The following HFM1 variants were observed in gnomAD, a reference collection of about 807,000 sequenced individuals.
The protein encoded by HFM1 is helicase for meiosis 1, also known as probable ATP-dependent DNA helicase HFM1.
Under a neutral mutation model 192.1 loss-of-function variants are expected in HFM1, and 169 were observed. The ratio of observed to expected loss-of-function variants is 0.88; its 90% CI spans 0.78 to 1.00. HFM1 has a LOEUF of 1.00. HFM1 is among the 50% of genes least tolerant of loss of function. HFM1 has a pLI of 0.00. For missense variants in HFM1, 1,661 were observed against 1,668.0 expected, an observed-to-expected ratio of 1.00 and a Z score of 0.07; for synonymous variants, 525 against 537.8, an observed-to-expected ratio of 0.98 and a Z score of 0.33.
chr1:91,272,730 T>G (rs770203153), intron 34 of HFM1, among the ~76,000 whole-genome samples: 207 of 152,044 alleles, frequency 1.4e-3, no homozygotes, highest in Non-Finnish European at 2.0e-3. Context: ...CAGGTGAGAT[T>G]AGGGAACTTT....
chr1:91,386,467 C>T (rs1435795761), intron 4 of HFM1, among the ~76,000 whole-genome samples: 6 of 152,314 alleles, frequency 3.9e-5, no homozygotes, highest in Middle Eastern at 3.4e-3. Flanking sequence ...AATACCTTTA[C>T]GCATTCTCAC....
chr1:91,363,427 A>G (rs953047491), intron 13 of HFM1, among the ~76,000 whole-genome samples: 1 of 152,030 alleles, frequency 6.6e-6, no homozygotes, highest in East Asian at 1.9e-4. Flanking sequence ...CAATATTATG[A>G]AAAAAAGCTC....
In HFM1 at chr1:91,370,568, T is replaced by C. The variant is rs575465126; in HGVS notation, c.1685+4790A>G. Reference sequence around the variant, plus strand: ...CTTCATGCTAAAAACTCTCAATAAATTAGGTATTGATTGGATGTATCTCAA... The same window carrying C: ...CTTCATGCTAAAAACTCTCAATAAACTAGGTATTGATTGGATGTATCTCAA... On this transcript the variant is annotated intron_variant, in intron 13 of 38. Coordinates refer to ENST00000370425, the MANE Select transcript of HFM1 (RefSeq NM_001017975.6). 2.3e-3 allele frequency among the ~76,000 whole-genome samples: 357 copies of C among 152,238 alleles called. 2 individuals are homozygous for C. The Middle Eastern group carries it at 0.024, about 10-fold the overall frequency.
chr1:91,401,912 G>T (rs1272793468), intron 1 of HFM1, among the ~76,000 whole-genome samples: 1 of 138,966 alleles, frequency 7.2e-6, no homozygotes. Flanking sequence ...AGATGCAAAT[G>T]TGATTAAAAA....
At chr1:91,364,632 A>ATATATTTTTTTTTT (rs753472335) in intron 13 of HFM1, among the ~76,000 whole-genome samples, 15 of 66,780 alleles carry the variant, frequency 2.2e-4, no homozygotes, top group African/African-American at 7.1e-4. Flanking sequence ...ATATATATAT[A>ATATATTTTTTTTTT]TTTTTTTTTT....
At chr1:91,296,731 G>A (rs941257233) in intron 30 of HFM1, among the ~76,000 whole-genome samples, 1 of 152,144 alleles carries the variant, frequency 6.6e-6, no homozygotes, top group Non-Finnish European at 1.5e-5. Context: ...TAGTGGTCTT[G>A]AGCATCTTTT....
At chr1:91,403,910 C>A (rs1165161667) in intron 1 of HFM1, among the ~76,000 whole-genome samples, 1 of 152,070 alleles carries the variant, frequency 6.6e-6, no homozygotes, top group Non-Finnish European at 1.5e-5. Flanking sequence ...ATTGTATAAA[C>A]TTATTGTATA....
At chr1:91,394,921 T>C (rs1663464780) in intron 3 of HFM1, among the ~76,000 whole-genome samples, 1 of 152,002 alleles carries the variant, frequency 6.6e-6, no homozygotes, top group Non-Finnish European at 1.5e-5. Context: ...CAAGAATTTT[T>C]AGGGAAGTTT....
chr1:91,366,824 G>C (rs757662384), intron 13 of HFM1, among the ~76,000 whole-genome samples: 6 of 152,354 alleles, frequency 3.9e-5, no homozygotes, highest in Non-Finnish European at 7.4e-5. Flanking sequence ...CCTCACCCGG[G>C]AAATGCAAGG....
At chr1:91,399,543 T>G (rs965787809) in intron 2 of HFM1, among the ~76,000 whole-genome samples, 3 of 152,220 alleles carry the variant, frequency 2.0e-5, no homozygotes, top group East Asian at 1.9e-4. Context: ...ACTTAGAATT[T>G]CTAACTTTAT....
At position 91,267,729 on chromosome 1, in the gene HFM1, C is replaced by T; in HGVS notation, c.3883+16G>A. On this transcript the variant is annotated intron_variant, in intron 35 of 38. Coordinates refer to ENST00000370425, the MANE Select transcript of HFM1 (RefSeq NM_001017975.6). ...GAATTCCTAATGAAATGATTGCATG[C>T]TAAGTATGATTTTACCTGATATTTT... 9.2e-7 allele frequency: 1 copy of T among 1,084,596 alleles called. No individual in the cohort carries two copies. Among genetic ancestry groups the T allele is most frequent in the Non-Finnish European group, 1.3e-6 (1 of 748,722 alleles). The allele number at this position is 1,084,596 out of a possible 1,614,324, so 67.2% of individuals were successfully genotyped here.
At chr1:91,304,623 C>T (rs1201046943) in intron 30 of HFM1, among the ~76,000 whole-genome samples, 8 of 139,946 alleles carry the variant, frequency 5.7e-5, no homozygotes. Context: ...CCCATCACCA[C>T]AGCCGGCTAA....
upstream of HFM1, among the ~76,000 whole-genome samples, chr1:91,407,496 T>C (rs923248407): frequency 2.6e-5 from 4 of 152,354 alleles, no homozygotes; most frequent in Middle Eastern, 6.8e-3. Context: ...GATCATACAA[T>C]ATTTGTTCTT....
At position 91,292,692 on chromosome 1, in the gene HFM1, G is replaced by A. The variant is rs192242809; in HGVS notation, c.3392-15630C>T. On this transcript the variant is annotated intron_variant, in intron 30 of 38. Coordinates refer to ENST00000370425, the MANE Select transcript of HFM1 (RefSeq NM_001017975.6). ...ACCAATGACTTTCTTCACAGAAATG[G>A]AAAAAACTACTTTAAAGTTCATATG... Among the ~76,000 whole-genome samples the A allele has an allele frequency of 2.3e-3, 353 of 152,098 alleles. 1 individual carries two copies. Among genetic ancestry groups the A allele is most frequent in the African/African-American group, 8.0e-3 (332 of 41,480 alleles).
chr1:91,389,490 C>A (rs1332894267), intron 4 of HFM1, among the ~76,000 whole-genome samples: 6 of 151,978 alleles, frequency 3.9e-5, no homozygotes, highest in Non-Finnish European at 8.8e-5. Context: ...AGGGTACCTC[C>A]CCATGATGGA....
At chr1:91,265,164 T>C (rs1665634616) in intron 36 of HFM1, among the ~76,000 whole-genome samples, 1 of 152,172 alleles carries the variant, frequency 6.6e-6, no homozygotes, top group South Asian at 2.1e-4. Flanking sequence ...TCAAATTGTT[T>C]TTTCTGTGCT....
At chr1:91,404,923 C>CT (rs927181148), upstream of HFM1, 32 of 452,604 alleles carry the variant, frequency 7.1e-5, no homozygotes, top group Admixed American at 1.2e-4. Context: ...CCCTTCCTAC[C>CT]TTTTTTTCTC....
chr1:91,347,403 A>T (rs1278005565), intron 19 of HFM1, 26 bp downstream of exon 19: 18 of 1,381,388 alleles, frequency 1.3e-5, no homozygotes, highest in Non-Finnish European at 1.6e-5. Context: ...TATAGAATCT[A>T]ATTTTTAGAA....
At chr1:91,403,387 T>A (rs1370841919) in intron 1 of HFM1, among the ~76,000 whole-genome samples, 2 of 152,130 alleles carry the variant, frequency 1.3e-5, no homozygotes, top group Non-Finnish European at 2.9e-5. Flanking sequence ...AAATGTGAAA[T>A]TTTTTTCTAG....
Sources: allele counts gnomAD v4.1 joint callset (sites outside exome capture counted in the v4.1 genomes callset), GRCh38; gene constraint gnomAD v4.1.1; transcripts MANE v1.5; gene names NCBI Gene and HGNC (gene_info 2026-07-23, HGNC 2026-07-21).